PRSS23: variants seen among roughly 807,000 people sequenced by gnomAD.
The protein encoded by PRSS23 is protease, serine 23.
PRSS23 carries 25 observed loss-of-function variants against 34.7 expected under a neutral mutation model. The ratio of observed to expected loss-of-function variants is 0.72; its 90% CI spans 0.53 to 1.01. The LOEUF (loss-of-function observed/expected upper bound fraction) is 1.01, where lower values mean the gene tolerates loss of function less well. PRSS23 is among the 50% of genes least tolerant of loss of function. PRSS23 has a pLI of 0.00. For synonymous variants in PRSS23, 176 were observed against 186.6 expected, an observed-to-expected ratio of 0.94 and a Z score of 0.46; for missense variants, 445 against 475.6, an observed-to-expected ratio of 0.94 and a Z score of 0.60.
In PRSS23 at chr11:86,807,159, C is replaced by T. The variant is rs73520727; in HGVS notation, c.-13-472C>T. Reference sequence around the variant, plus strand: ...GTAAGCCATGTAATTTAAATTGACCCTCTGAGTGACCAAGTTGCTCTGAAA... The same window carrying T: ...GTAAGCCATGTAATTTAAATTGACCTTCTGAGTGACCAAGTTGCTCTGAAA... On this transcript the variant is annotated intron_variant, in intron 1 of 1. Transcript: ENST00000280258. Among the ~76,000 whole-genome samples the T allele has an allele frequency of 1.4e-3, 220 of 152,220 alleles. 1 individual carries two copies. The highest frequency in any genetic ancestry group is 5.2e-3 in the African/African-American group (214 of 41,532).
exon 2 of PRSS23, chr11:86,823,498 A>C (rs1440544914): frequency 1.4e-6 from 1 of 702,438 alleles, no homozygotes; most frequent in African/African-American, 1.7e-5. Context: ...CACCTCCTGA[A>C]TACCAACTAG....
At chr11:86,904,664 T>A (rs1948930984) in intron 2 of PRSS23, among the ~76,000 whole-genome samples, 1 of 152,162 alleles carries the variant, frequency 6.6e-6, no homozygotes, top group South Asian at 2.1e-4. Flanking sequence ...ATAGCCTCTG[T>A]CACAACTATT....
At chr11:86,925,472 A>G (rs1395702879) in intron 2 of PRSS23, among the ~76,000 whole-genome samples, 1 of 152,318 alleles carries the variant, frequency 6.6e-6, no homozygotes, top group East Asian at 1.9e-4. Context: ...CAGGGTTGCC[A>G]TGATTAAGTT....
At chr11:86,943,523 C>T (rs2135028835) in intron 2 of PRSS23, among the ~76,000 whole-genome samples, 1 of 152,060 alleles carries the variant, frequency 6.6e-6, no homozygotes, top group East Asian at 2.0e-4. Context: ...ACTCAGGAGG[C>T]TGAGGAAGGA....
At chr11:86,918,135 A>C (rs559213356) in intron 2 of PRSS23, among the ~76,000 whole-genome samples, 2 of 152,354 alleles carry the variant, frequency 1.3e-5, no homozygotes, top group South Asian at 4.1e-4. Flanking sequence ...GAAAATAAAA[A>C]GATATCACCT....
At chr11:86,892,958 G>C (rs1352440111) in intron 2 of PRSS23, among the ~76,000 whole-genome samples, 2 of 152,078 alleles carry the variant, frequency 1.3e-5, no homozygotes, top group Non-Finnish European at 2.9e-5. Context: ...CTTGGAATGT[G>C]GCCTTATCTG....
At chr11:86,842,462 G>T (rs966751234) in intron 2 of PRSS23, among the ~76,000 whole-genome samples, 1 of 152,146 alleles carries the variant, frequency 6.6e-6, no homozygotes, top group Non-Finnish European at 1.5e-5. Context: ...GAAATAAAGG[G>T]TATTCAATTA....
chr11:86,884,193 A>G (rs931978225), intron 2 of PRSS23, among the ~76,000 whole-genome samples: 2 of 151,986 alleles, frequency 1.3e-5, no homozygotes, highest in African/African-American at 4.8e-5. Flanking sequence ...TACTCTCATC[A>G]TCTCTCTCCT....
chr11:86,829,682 CTGTT>C (rs1269515552), intron 2 of PRSS23, among the ~76,000 whole-genome samples: 2 of 152,076 alleles, frequency 1.3e-5, no homozygotes, highest in Non-Finnish European at 2.9e-5. Context: ...GATGTCCTTT[CTGTT>C]TGTTAGTTTT....
At position 86,800,544 on chromosome 11, in the gene PRSS23, A is replaced by C. The variant is rs1196291020; in HGVS notation, c.-121A>C. ...CTGCGCTGCTCGCCAGCTTGCTCGC[A>C]CTCGGCTGTGCGGCGGGGCAGGCAT... On this transcript the variant is annotated 5_prime_UTR_variant, in exon 1 of 2. Transcript: ENST00000280258. The C allele has an allele frequency of 1.0e-6, 1 of 984,570 alleles. No individual in the cohort carries two copies. Among genetic ancestry groups the C allele is most frequent in the African/African-American group, 1.7e-5 (1 of 57,162 alleles). The allele number at this position is 984,570 out of a possible 1,614,324, so 61.0% of individuals were successfully genotyped here. A position where few individuals can be genotyped will look rare whatever the true frequency, so the allele number is the denominator to read the frequency against.
chr11:86,906,457 G>A (rs1283786970), intron 2 of PRSS23, among the ~76,000 whole-genome samples: 1 of 152,244 alleles, frequency 6.6e-6, no homozygotes, highest in Non-Finnish European at 1.5e-5. Flanking sequence ...CACCTTAGGG[G>A]CTGGAGGCTG....
chr11:86,903,423 C>T (rs1367624673), intron 2 of PRSS23, among the ~76,000 whole-genome samples: 1 of 152,014 alleles, frequency 6.6e-6, no homozygotes, highest in Non-Finnish European at 1.5e-5. Flanking sequence ...CAACCCAGCC[C>T]TATACAGTAC....
At chr11:86,876,775 A>G (rs547358302) in intron 2 of PRSS23, among the ~76,000 whole-genome samples, 1 of 152,308 alleles carries the variant, frequency 6.6e-6, no homozygotes, top group African/African-American at 2.4e-5. Context: ...AAAGCAACCT[A>G]TGGGCCCATG....
chr11:86,877,283 C>T (rs994256318), intron 2 of PRSS23, among the ~76,000 whole-genome samples: 2 of 152,308 alleles, frequency 1.3e-5, no homozygotes, highest in South Asian at 4.1e-4. Context: ...TACTGCAAAA[C>T]TGATGGGAAG....
intron 2 of PRSS23, chr11:86,832,850 A>C (rs766014248): frequency 3.9e-5 from 12 of 309,272 alleles, no homozygotes; most frequent in Non-Finnish European, 6.9e-5. Flanking sequence ...TATGGCAGCA[A>C]GGAAATACAT....
At chr11:86,888,787 A>G (rs905831404) in intron 2 of PRSS23, among the ~76,000 whole-genome samples, 1 of 152,216 alleles carries the variant, frequency 6.6e-6, no homozygotes, top group African/African-American at 2.4e-5. Flanking sequence ...CTGAGAAGGT[A>G]ACTTCATGCT....
chr11:86,911,738 C>T (rs1385666937), intron 2 of PRSS23: 1 of 148,212 alleles, frequency 6.7e-6, no homozygotes, highest in Non-Finnish European at 1.5e-5. Flanking sequence ...TGCATCTATA[C>T]ACCATGATTA....
chr11:86,878,489 T>C (rs1211510428), intron 2 of PRSS23, among the ~76,000 whole-genome samples: 1 of 152,140 alleles, frequency 6.6e-6, no homozygotes, highest in East Asian at 1.9e-4. Context: ...GGTCTCCAGC[T>C]CCTAACCGCG....
At chr11:86,900,575 G>C (rs995501402) in intron 2 of PRSS23, among the ~76,000 whole-genome samples, 4 of 152,136 alleles carry the variant, frequency 2.6e-5, no homozygotes, top group South Asian at 2.1e-4. Flanking sequence ...CTGGCTCTGA[G>C]CCACCTCACC....
Sources: gnomAD v4.1 joint callset for allele counts (sites outside exome capture counted in the v4.1 genomes callset) on GRCh38, gnomAD v4.1.1 for gene constraint, MANE v1.5 for transcripts, NCBI Gene and HGNC (gene_info 2026-07-23, HGNC 2026-07-21) for gene names.